Variants in CD96 observed in about 807,000 individuals in gnomAD.
CD96 encodes the protein T-cell surface protein tactile.
Under a neutral mutation model 71.3 loss-of-function variants are expected in CD96, and 70 were observed. The observed-to-expected ratio is 0.98, with a 90% CI of 0.81 to 1.20. The LOEUF is 1.20. CD96 is among the 50% of genes most tolerant of loss of function. The pLI, the probability that CD96 is intolerant of heterozygous loss-of-function variation, is 0.00. For synonymous variants in CD96, 248 were observed against 233.0 expected, an observed-to-expected ratio of 1.06 and a Z score of -0.59; for missense variants, 742 against 677.5, an observed-to-expected ratio of 1.10 and a Z score of -1.06.
intron 2 of CD96, among the ~76,000 whole-genome samples, chr3:111,550,625 G>A (rs1934655688): frequency 6.6e-6 from 1 of 151,962 alleles, no homozygotes; most frequent in South Asian, 2.1e-4. Context: ...TATTGTAACA[G>A]GTGGGAGGGA....
At chr3:111,612,596 A>G (rs1938006323) in intron 8 of CD96, among the ~76,000 whole-genome samples, 1 of 152,224 alleles carries the variant, frequency 6.6e-6, no homozygotes, top group Admixed American at 6.5e-5. Context: ...ATACTGAGGC[A>G]CAAAGAGGTT....
At chr3:111,589,584 T>C (rs1324983527) in intron 5 of CD96, among the ~76,000 whole-genome samples, 1 of 152,186 alleles carries the variant, frequency 6.6e-6, no homozygotes, top group African/African-American at 2.4e-5. Flanking sequence ...TTACAATCCC[T>C]GCTGTATTTT....
chr3:111,582,131 A>T (rs1268024048), intron 4 of CD96, among the ~76,000 whole-genome samples: 4 of 152,194 alleles, frequency 2.6e-5, no homozygotes, highest in African/African-American at 9.7e-5. Context: ...CTTGTGGACT[A>T]AGTATACTCC....
downstream of CD96, among the ~76,000 whole-genome samples, chr3:111,657,349 T>C (rs1028353928): frequency 1.3e-5 from 2 of 150,262 alleles, no homozygotes; most frequent in African/African-American, 4.9e-5. Context: ...ACCCAGGAGG[T>C]GGAGGTTGTG....
At chr3:111,579,557 T>G in intron 4 of CD96, 1 of 369,324 alleles carries the variant, frequency 2.7e-6, no homozygotes, top group Non-Finnish European at 5.2e-6. Flanking sequence ...TTATGGAGGC[T>G]AAGTCCAAGG....
intron 1 of CD96, among the ~76,000 whole-genome samples, chr3:111,544,707 C>T (rs1189539845): frequency 2.6e-5 from 4 of 152,146 alleles, no homozygotes; most frequent in Admixed American, 6.5e-5. Flanking sequence ...TAAGAAGAAT[C>T]GTCATACTAA....
intron 8 of CD96, among the ~76,000 whole-genome samples, chr3:111,617,431 C>T (rs1938298191): frequency 1.3e-5 from 2 of 152,234 alleles, no homozygotes; most frequent in Admixed American, 6.5e-5. Context: ...TCACCATGCA[C>T]TTTCTCCCTT....
At chr3:111,664,443 GT>G (rs1338357684) in intron 14 of CD96, among the ~76,000 whole-genome samples, 1 of 152,168 alleles carries the variant, frequency 6.6e-6, no homozygotes, top group African/African-American at 2.4e-5. Flanking sequence ...TCACTTATAA[GT>G]GGGAGCTAAA....
At chr3:111,542,353 G>A in intron 1 of CD96, 44 bp downstream of exon 1, 1 of 1,353,884 alleles carries the variant, frequency 7.4e-7, no homozygotes, top group Non-Finnish European at 1.1e-6. Flanking sequence ...GGCCGCTTTA[G>A]GGGCGGATGG....
chr3:111,609,216 G>A (rs182013344), intron 8 of CD96, among the ~76,000 whole-genome samples: 1 of 152,302 alleles, frequency 6.6e-6, no homozygotes, highest in African/African-American at 2.4e-5. Flanking sequence ...GATCAAAGAG[G>A]TGGTATTGTG....
At chr3:111,577,448 T>C in intron 3 of CD96, 1 of 1,238,522 alleles carries the variant, frequency 8.1e-7, no homozygotes, top group Non-Finnish European at 1.2e-6. Flanking sequence ...CTCTGGGGGA[T>C]CCTATCTCTG....
intron 8 of CD96, chr3:111,607,159 G>T: frequency 4.0e-6 from 1 of 247,604 alleles, no homozygotes; most frequent in Non-Finnish European, 7.9e-6. Context: ...GAAAATCAAG[G>T]TAAATAAATA....
At chr3:111,654,087 G>A (rs1172682252), downstream of CD96, among the ~76,000 whole-genome samples, 2 of 152,170 alleles carry the variant, frequency 1.3e-5, no homozygotes, top group African/African-American at 2.4e-5. Flanking sequence ...TAGGAGGGTG[G>A]CTTTGAACCT....
intron 3 of CD96, 75 bp downstream of exon 3, chr3:111,567,722 T>C: frequency 2.3e-6 from 3 of 1,300,280 alleles, no homozygotes; most frequent in Non-Finnish European, 3.3e-6. Context: ...TAAGCAGTAA[T>C]AATAGGGAAG....
At chr3:111,553,434 C>CTTT (rs34837219) in intron 2 of CD96, among the ~76,000 whole-genome samples, 1 of 115,184 alleles carries the variant, frequency 8.7e-6, no homozygotes, top group Admixed American at 9.4e-5. Context: ...TTTCTTTTTT[C>CTTT]TTTTTTTTTT....
chr3:111,546,017 C>G (rs774732966), intron 2 of CD96, among the ~76,000 whole-genome samples: 1 of 151,808 alleles, frequency 6.6e-6, no homozygotes, highest in African/African-American at 2.4e-5. Flanking sequence ...AAAAGTCATA[C>G]TGACTTTCAT....
At chr3:111,634,266 T>G (rs1214311496) in intron 10 of CD96, 2 of 152,226 alleles carry the variant, frequency 1.3e-5, no homozygotes, top group Non-Finnish European at 2.9e-5. Context: ...TATGGTAGAA[T>G]AGTATGCTGC....
chr3:111,593,785 C>T (rs1256256578), intron 5 of CD96: 2 of 1,614,118 alleles, frequency 1.2e-6, no homozygotes, highest in African/African-American at 1.3e-5. Context: ...GGAGCCTACC[C>T]CAGTTACCCT....
At chr3:111,587,284 TTGAG>T (rs1288766436) in intron 5 of CD96, among the ~76,000 whole-genome samples, 2 of 152,162 alleles carry the variant, frequency 1.3e-5, no homozygotes, top group Admixed American at 6.5e-5. Context: ...CAGGCTGGCA[TTGAG>T]TGTCTGCAGC....
Sources: allele counts gnomAD v4.1 joint callset (sites outside exome capture counted in the v4.1 genomes callset), GRCh38; gene constraint gnomAD v4.1.1; transcripts MANE v1.5; gene names NCBI Gene and HGNC (gene_info 2026-07-23, HGNC 2026-07-21).